ZFHX3: variants seen among roughly 807,000 people sequenced by gnomAD.
ZFHX3 encodes the protein zinc finger homeobox protein 3.
In ZFHX3, 42 loss-of-function variants were observed where a neutral mutation model predicts 279.1. That is an observed-to-expected ratio of 0.15 (90% CI 0.12 to 0.19). The LOEUF (loss-of-function observed/expected upper bound fraction) is 0.19, where lower values mean the gene tolerates loss of function less well. Among genes scored for constraint, ZFHX3 ranks in the 10% least tolerant of loss-of-function variants. The pLI, the probability that ZFHX3 is intolerant of heterozygous loss-of-function variation, is 1.00. For missense variants in ZFHX3, 4,981 were observed against 4,754.0 expected (o/e 1.05, Z -1.40); for synonymous variants, 2,293 against 1,957.8 (o/e 1.17, Z -4.52).
intron 2 of ZFHX3, among the ~76,000 whole-genome samples, chr16:72,953,374 G>GTTCA (rs941948790): frequency 6.6e-6 from 1 of 152,020 alleles, no homozygotes; most frequent in African/African-American, 2.4e-5. Context: ...CATACTCAGT[G>GTTCA]TTCAGTCAAA....
chr16:72,813,268 G>C (rs2036515229), intron 5 of ZFHX3, among the ~76,000 whole-genome samples: 1 of 152,180 alleles, frequency 6.6e-6, no homozygotes, highest in African/African-American at 2.4e-5. Context: ...TCAGGTCACT[G>C]AATTAGAAAG....
At chr16:73,855,509 G>A (rs1336681173) in intron 1 of ZFHX3, among the ~76,000 whole-genome samples, 1 of 151,752 alleles carries the variant, frequency 6.6e-6, no homozygotes, top group Non-Finnish European at 1.5e-5. Flanking sequence ...TCCAGAGGAG[G>A]AGGAGGAGGA....
intron 2 of ZFHX3, among the ~76,000 whole-genome samples, chr16:73,621,626 G>C (rs1297034692): frequency 6.6e-6 from 1 of 152,162 alleles, no homozygotes; most frequent in Non-Finnish European, 1.5e-5. Flanking sequence ...ACCACAGGGA[G>C]CTGCACACAT....
At chr16:73,009,864 T>TA (rs1963849729) in intron 1 of ZFHX3, among the ~76,000 whole-genome samples, 1 of 151,300 alleles carries the variant, frequency 6.6e-6, no homozygotes, top group Admixed American at 6.6e-5. Context: ...CTAGTAAAAA[T>TA]AAAAAAATTA....
At chr16:73,326,890 C>G (rs867690588) in intron 3 of ZFHX3, among the ~76,000 whole-genome samples, 2 of 152,176 alleles carry the variant, frequency 1.3e-5, no homozygotes, top group African/African-American at 4.8e-5. Context: ...GCGATGCCAT[C>G]GATTTCTTTG....
chr16:73,092,686 G>A (rs535356615), intron 8 of ZFHX3: 2 of 305,098 alleles, frequency 6.6e-6, no homozygotes, highest in Non-Finnish European at 1.3e-5. Flanking sequence ...ACGCGGGCTG[G>A]CTTACACATG....
chr16:72,969,316 C>T (rs1961995321), intron 1 of ZFHX3, among the ~76,000 whole-genome samples: 1 of 152,098 alleles, frequency 6.6e-6, no homozygotes, highest in Non-Finnish European at 1.5e-5. Flanking sequence ...CTAGGTGGAG[C>T]CTTCCAGTTG....
chr16:72,860,783 T>C lies in ZFHX3; in HGVS notation c.3448+28948A>G, dbSNP rs146493111. ...GGAGCTGCCACCCTATGGACCGCCC[T>C]CACAGAACACAACACCTCAGGGAAG... On this transcript the variant is annotated intron_variant, in intron 4 of 9. Coordinates refer to ENST00000268489, the MANE Select transcript of ZFHX3 (RefSeq NM_006885.4). 8.9e-3 allele frequency among the ~76,000 whole-genome samples: 1,352 copies of C among 152,274 alleles called. 10 individuals carry two copies. The highest frequency in any genetic ancestry group is 0.014 in the Non-Finnish European group (959 of 68,014).
Position 72,794,065 on chromosome 16 carries a change from C to T in ZFHX3, c.8617G>A (p.Glu2873Lys), listed in dbSNP as rs768307205. Residue 2873 changes from glutamate (E) to lysine (K), a missense_variant, in exon 9 of 10, where the codon GAA (glutamate) becomes AAA (lysine). Transcript: ENST00000268489. This position sits in a 1 kb window ranked among gnomAD's most constrained non-coding sequence, Gnocchi z 4.2. ...ATCATGGCCGCTTTGGTCAACCCTT[C>T]GTTGGGTGCAGAAGAGGATTTGGTT... Reference protein sequence around the residue: ...TETKSSSAPNEGLTKAAMMAM... With the variant: ...TETKSSSAPNKGLTKAAMMAM... 1.5e-5 allele frequency: 25 copies of T among 1,614,204 alleles called. No homozygotes were observed. The highest frequency in any genetic ancestry group is 2.2e-5 in the East Asian group (1 of 44,882).
rs2035570149 is a variant in ZFHX3 at position 72,788,704 on chromosome 16, C to T, written c.9572G>A (p.Gly3191Asp). 1.9e-6 allele frequency: 3 copies of T among 1,611,338 alleles called. No individual in the cohort carries two copies. Among genetic ancestry groups the T allele is most frequent in the Non-Finnish European group, 2.5e-6 (3 of 1,178,572 alleles). ...CTGCTGCTGGGGGGGTTGCTGAGGG[C>T]CCATCGCCATCGTGGCTTGTGCTGG... Reference protein sequence around the residue: ...PTPAQATMAMGPQQPPQQQQQ... With the variant: ...PTPAQATMAMDPQQPPQQQQQ... The change falls in exon 10 of 10, where the codon GGC becomes GAC. Residue 3191 changes from glycine (G) to aspartate (D), a missense_variant. Gly to Asp is a moderately conservative substitution (Grantham distance 94). Coordinates refer to ENST00000268489, the MANE Select transcript of ZFHX3 (RefSeq NM_006885.4).
chr16:72,889,341 T>C (rs2038709847), intron 4 of ZFHX3, among the ~76,000 whole-genome samples: 1 of 152,144 alleles, frequency 6.6e-6, no homozygotes, highest in South Asian at 2.1e-4. Context: ...CTTTGTCAAT[T>C]TGAACCAATA....
At chr16:72,975,451 AAATAC>A (rs1367084514) in intron 1 of ZFHX3, among the ~76,000 whole-genome samples, 29 of 152,158 alleles carry the variant, frequency 1.9e-4, no homozygotes, top group African/African-American at 5.5e-4. Flanking sequence ...AAACAAAATA[AAATAC>A]AATACAATCA....
Position 73,170,223 on chromosome 16 carries a change from G to GTTTTTTTTTTTTTTTTTTTTTTT in ZFHX3, c.-1103-26415_-1103-26393dup, listed in dbSNP as rs1156523996. Among the ~76,000 whole-genome samples the GTTTTTTTTTTTTTTTTTTTTTTT allele has an allele frequency of 1.2e-4, 7 of 57,744 alleles. 1 individual carries two copies. Among genetic ancestry groups the GTTTTTTTTTTTTTTTTTTTTTTT allele is most frequent in the African/African-American group, 3.6e-4 (5 of 13,726 alleles). The allele number at this position is 57,744 out of a possible 152,430, so 37.9% of individuals were successfully genotyped here. A position where few individuals can be genotyped will look rare whatever the true frequency, so the allele number is the denominator to read the frequency against. ...TTTTTGAAGCATCTTCCTTTCACTA[G>GTTTTTTTTTTTTTTTTTTTTTTT]TTTTTTTTTTTTTTTTTTTTTTTTT... On this transcript the variant is annotated intron_variant, in intron 5 of 17. Coordinates refer to the ZFHX3 transcript ENST00000641206.
intron 5 of ZFHX3, among the ~76,000 whole-genome samples, chr16:73,200,222 A>G (rs997551784): frequency 6.6e-6 from 1 of 152,200 alleles, no homozygotes; most frequent in Non-Finnish European, 1.5e-5. Context: ...ATCGTATTAA[A>G]TTGGTGGAAT....
chr16:73,178,883 G>C (rs1193778063), intron 5 of ZFHX3, among the ~76,000 whole-genome samples: 1 of 152,058 alleles, frequency 6.6e-6, no homozygotes, highest in Non-Finnish European at 1.5e-5. Flanking sequence ...ATCCATCCAT[G>C]CACCTACCCA....
chr16:73,113,090 A>G (rs1461961941), intron 7 of ZFHX3, among the ~76,000 whole-genome samples: 1 of 151,974 alleles, frequency 6.6e-6, no homozygotes, highest in Admixed American at 6.6e-5. Flanking sequence ...GAGAGAGAGA[A>G]TATGAGAAAG....
At chr16:73,777,776 G>T (rs1035943953) in intron 1 of ZFHX3, among the ~76,000 whole-genome samples, 35 of 152,122 alleles carry the variant, frequency 2.3e-4, no homozygotes, top group African/African-American at 8.5e-4. Context: ...TCTCCATTTT[G>T]CATGTAAGGA....
At chr16:73,203,556 A>G (rs1244980682) in intron 5 of ZFHX3, among the ~76,000 whole-genome samples, 2 of 152,160 alleles carry the variant, frequency 1.3e-5, no homozygotes. Context: ...ACATTTATGG[A>G]AAATTATTTG....
At chr16:72,807,354 A>C (rs1303690241) in intron 7 of ZFHX3, 1 of 152,190 alleles carries the variant, frequency 6.6e-6, no homozygotes, top group Non-Finnish European at 1.5e-5. Context: ...AAGAAGAATG[A>C]AGTGCTGTGG....
Sources: allele counts gnomAD v4.1 joint callset (sites outside exome capture counted in the v4.1 genomes callset), GRCh38; gene constraint gnomAD v4.1.1; non-coding constraint Gnocchi (gnomAD v3.1); transcripts MANE v1.5; gene names NCBI Gene and HGNC (gene_info 2026-07-23, HGNC 2026-07-21).